DCDC2: variants seen among roughly 807,000 people sequenced by gnomAD.
DCDC2 encodes the protein doublecortin domain containing 2.
Under a neutral mutation model 50.2 loss-of-function variants are expected in DCDC2, and 40 were observed. That is an observed-to-expected ratio of 0.80 (90% CI 0.62 to 1.04). DCDC2 has a LOEUF of 1.04. Ranked by LOEUF, DCDC2 falls within the 50% of genes least tolerant of loss-of-function variation. The pLI is 0.00. For synonymous variants in DCDC2, 234 were observed against 210.6 expected, an observed-to-expected ratio of 1.11 and a Z score of -0.96; for missense variants, 570 against 581.9, an observed-to-expected ratio of 0.98 and a Z score of 0.21.
At chr6:24,262,821 G>C (rs1331691844) in intron 7 of DCDC2, among the ~76,000 whole-genome samples, 2 of 152,212 alleles carry the variant, frequency 1.3e-5, no homozygotes, top group African/African-American at 2.4e-5. Flanking sequence ...GAAGGACATG[G>C]GTCTGGCTGG....
At chr6:24,291,201 A>T (rs1038707910) in intron 4 of DCDC2, 123 bp from the exon 5 acceptor site, 3 of 979,668 alleles carry the variant, frequency 3.1e-6, no homozygotes, top group Non-Finnish European at 4.5e-6. Flanking sequence ...AACATTCTGT[A>T]CTTAATTTAG....
chr6:24,295,412 A>G lies in DCDC2; in HGVS notation c.558-4334T>C, dbSNP rs1300094404. ...ATTCCCCTTGAAAACCAGCAGAAGA[A>G]AGAGATGCCTTCTCTCGCCACTCCT... On this transcript the variant is annotated intron_variant, in intron 4 of 9. Transcript: ENST00000378454. Among the ~76,000 whole-genome samples the G allele has an allele frequency of 1.2e-4, 19 of 152,128 alleles. 1 individual carries two copies. The highest frequency in any genetic ancestry group is 2.8e-4 in the Non-Finnish European group (19 of 68,010).
intron 7 of DCDC2, among the ~76,000 whole-genome samples, chr6:24,275,722 AAG>A (rs1372332257): frequency 6.6e-6 from 1 of 152,208 alleles, no homozygotes; most frequent in Non-Finnish European, 1.5e-5. Context: ...AAAAAAATAA[AAG>A]AACAGGAAGG....
At chr6:24,278,470 G>A (rs1262083058) in intron 6 of DCDC2, among the ~76,000 whole-genome samples, 1 of 152,156 alleles carries the variant, frequency 6.6e-6, no homozygotes, top group Non-Finnish European at 1.5e-5. Context: ...CTATAAAATT[G>A]TATTCACTCA....
chr6:24,358,699 T>TA (rs201921328), upstream of DCDC2, among the ~76,000 whole-genome samples: 60,272 of 103,546 alleles, frequency 0.58, 18,937 homozygotes, highest in East Asian at 0.8. Flanking sequence ...AAAATATATA[T>TA]TTTTTTTATA....
chr6:24,252,580 G>A (rs1762815440), intron 7 of DCDC2, among the ~76,000 whole-genome samples: 2 of 152,154 alleles, frequency 1.3e-5, no homozygotes, highest in South Asian at 4.1e-4. Flanking sequence ...AGGAAGCTCT[G>A]GTAAAAGCAA....
chr6:24,355,580 G>C (rs530319498), intron 1 of DCDC2, among the ~76,000 whole-genome samples: 1 of 152,142 alleles, frequency 6.6e-6, no homozygotes, highest in Non-Finnish European at 1.5e-5. Context: ...AAACTGATTA[G>C]CTGAGTCAAG....
chr6:24,179,547 C>CAAAAAA (rs56731018), intron 8 of DCDC2, among the ~76,000 whole-genome samples: 16 of 49,596 alleles, frequency 3.2e-4, no homozygotes, highest in Non-Finnish European at 3.9e-4. Flanking sequence ...GACACCATCT[C>CAAAAAA]AAAAAAAAAA....
intron 7 of DCDC2, among the ~76,000 whole-genome samples, chr6:24,275,866 A>ATTT (rs10685261): frequency 0.13 from 14,186 of 107,948 alleles, 1,373 homozygotes; most frequent in East Asian, 0.16. Context: ...CAATAATTCA[A>ATTT]TTTTTTTTTT....
intron 2 of DCDC2, among the ~76,000 whole-genome samples, chr6:24,334,949 G>A (rs542996281): frequency 6.6e-6 from 1 of 152,282 alleles, no homozygotes; most frequent in African/African-American, 2.4e-5. Context: ...TCACAAGAGG[G>A]CGGCACAGCA....
rs2113733837 is a variant in DCDC2 at position 24,173,349 on chromosome 6, G to C, written c.*1381C>G. 6.6e-6 allele frequency: 1 copy of C among 152,012 alleles called. No individual in the cohort carries two copies. Among genetic ancestry groups the C allele is most frequent in the South Asian group, 2.1e-4 (1 of 4,822 alleles). The allele number at this position is 152,012 out of a possible 1,614,324, so 9.4% of individuals were successfully genotyped here. On this transcript the variant is annotated 3_prime_UTR_variant, in exon 10 of 10. Transcript: ENST00000378454. The stretch of plus-strand genomic sequence containing the variant: ...AACTCTTTATTCCAAATGAAACCTG[G>C]AAGAGAAAAAATGTTTTAAACTTGT...
At position 24,207,366 on chromosome 6, in the gene DCDC2, T is replaced by TTTAAAACCATATCATGAGCA. The variant is rs1271652787; in HGVS notation, c.923-2284_923-2265dup. On this transcript the variant is annotated intron_variant, in intron 7 of 9. Coordinates refer to ENST00000378454, the MANE Select transcript of DCDC2 (RefSeq NM_016356.5). Reference sequence around the variant, plus strand: ...TACATATAATTTTTAAAATCATTTCTTTAAAACCATATCATGAGCATTTCT... The same window carrying TTTAAAACCATATCATGAGCA: ...TACATATAATTTTTAAAATCATTTCTTTAAAACCATATCATGAGCATTAAAACCATATCATGAGCATTTCT... Among the ~76,000 whole-genome samples the TTTAAAACCATATCATGAGCA allele has an allele frequency of 2.9e-3, 436 of 152,232 alleles. 2 individuals are homozygous for TTTAAAACCATATCATGAGCA. The highest frequency in any genetic ancestry group is 9.5e-3 in the African/African-American group (395 of 41,532).
At chr6:24,215,275 G>A (rs986401448) in intron 7 of DCDC2, among the ~76,000 whole-genome samples, 2 of 152,222 alleles carry the variant, frequency 1.3e-5, no homozygotes, top group Non-Finnish European at 2.9e-5. Flanking sequence ...TCCAAGAACT[G>A]CAGGCAGATC....
At chr6:24,222,443 G>T (rs557715820) in intron 7 of DCDC2, among the ~76,000 whole-genome samples, 2 of 152,072 alleles carry the variant, frequency 1.3e-5, no homozygotes, top group East Asian at 3.9e-4. Context: ...CCTAACTTAG[G>T]GTTTAGCTGT....
At chr6:24,359,151 T>TTA (rs1561789069), upstream of DCDC2, among the ~76,000 whole-genome samples, 2 of 64,632 alleles carry the variant, frequency 3.1e-5, no homozygotes, top group South Asian at 4.6e-4. Flanking sequence ...ATTATATATT[T>TTA]TATATATTTT....
chr6:24,260,680 T>C (rs752176338), intron 7 of DCDC2, among the ~76,000 whole-genome samples: 3 of 152,236 alleles, frequency 2.0e-5, no homozygotes, highest in Non-Finnish European at 2.9e-5. Context: ...AACTCATCCA[T>C]CTAAAAGTTA....
intron 7 of DCDC2, among the ~76,000 whole-genome samples, chr6:24,246,479 CTTTTTTTT>C (rs4052666): frequency 1.4e-5 from 1 of 70,782 alleles, no homozygotes; most frequent in Non-Finnish European, 2.4e-5. Flanking sequence ...TTTTCTTTTT[CTTTTTTTT>C]TTTTTTTTTT....
At chr6:24,238,668 A>G (rs1285402483) in intron 7 of DCDC2, among the ~76,000 whole-genome samples, 1 of 152,204 alleles carries the variant, frequency 6.6e-6, no homozygotes, top group Non-Finnish European at 1.5e-5. Context: ...CTCGCAGAGG[A>G]ATGACTGAAA....
chr6:24,357,783 T>C lies in DCDC2; in HGVS notation c.-33A>G. On this transcript the variant is annotated 5_prime_UTR_variant, in exon 1 of 10. Coordinates refer to ENST00000378454, the MANE Select transcript of DCDC2 (RefSeq NM_016356.5). ...GCTGGCCGCCGCCTCAGCTCGCTGCTTCGCGTCGGGAGGCACCTCCGCTGT... is the reference window on the plus strand; with the variant it reads ...GCTGGCCGCCGCCTCAGCTCGCTGCCTCGCGTCGGGAGGCACCTCCGCTGT... The C allele has an allele frequency of 6.2e-7, 1 of 1,611,930 alleles. No individual in the cohort carries two copies. Among genetic ancestry groups the C allele is most frequent in the Non-Finnish European group, 8.5e-7 (1 of 1,179,210 alleles).
Sources: gnomAD v4.1 joint callset for allele counts (sites outside exome capture counted in the v4.1 genomes callset) on GRCh38, gnomAD v4.1.1 for gene constraint, MANE v1.5 for transcripts, NCBI Gene and HGNC (gene_info 2026-07-23, HGNC 2026-07-21) for gene names.